KAT6A: variants seen among roughly 807,000 people sequenced by gnomAD.
KAT6A encodes lysine acetyltransferase 6A, also known as histone acetyltransferase KAT6A.
In KAT6A, 9 loss-of-function variants were observed where a neutral mutation model predicts 198.4. That is an observed-to-expected ratio of 0.05 (90% CI 0.03 to 0.08). The LOEUF is 0.08. Ranked by LOEUF, KAT6A falls within the 10% of genes least tolerant of loss-of-function variation. The pLI is 1.00. For missense variants in KAT6A, 2,077 were observed against 2,509.9 expected (o/e 0.83, Z 3.69); for synonymous variants, 890 against 883.0 (o/e 1.01, Z -0.14).
intron 2 of KAT6A, among the ~76,000 whole-genome samples, chr8:41,988,732 G>A (rs1183315812): frequency 1.3e-5 from 2 of 152,202 alleles, no homozygotes; most frequent in Non-Finnish European, 2.9e-5. Flanking sequence ...AGATGGTGAC[G>A]CTATCAACTG....
intron 2 of KAT6A, among the ~76,000 whole-genome samples, chr8:41,995,259 TA>T (rs1376610519): frequency 6.6e-6 from 1 of 152,218 alleles, no homozygotes; most frequent in Admixed American, 6.5e-5. Flanking sequence ...AGAAATGCTC[TA>T]TTGTTTACAA....
intron 7 of KAT6A, among the ~76,000 whole-genome samples, chr8:41,975,759 C>T (rs1824021198): frequency 6.6e-6 from 1 of 152,132 alleles, no homozygotes; most frequent in Admixed American, 6.5e-5. Context: ...ACGCTCACAC[C>T]ACTGTCAAAA....
At position 41,934,598 on chromosome 8, in the gene KAT6A, C is replaced by T. The variant is rs1325688150; in HGVS notation, c.3622G>A (p.Glu1208Lys). ...AGRKPKIQES[E>K]ETVEPKEDMP... Reference sequence around the variant, plus strand: ...TCTTCTTTTGGCTCAACAGTTTCTTCACTCTCCTGGATCTTGGGTTTACGT... The same window carrying T: ...TCTTCTTTTGGCTCAACAGTTTCTTTACTCTCCTGGATCTTGGGTTTACGT... Residue 1208 changes from glutamate (E) to lysine (K), a missense_variant, in exon 17 of 17, where the codon GAA (glutamate) becomes AAA (lysine). Around this residue, in one of 13 missense-constraint regions of KAT6A, gnomAD observed 375 missense variants for 383.0 expected, o/e 0.98. Transcript: ENST00000265713. 3 of 1,614,092 alleles carry T rather than the reference C, an allele frequency of 1.9e-6. No individual in the cohort carries two copies. The highest frequency in any genetic ancestry group is 2.2e-5 in the East Asian group (1 of 44,866).
chr8:41,969,144 G>A (rs914215434), intron 8 of KAT6A, among the ~76,000 whole-genome samples: 1 of 152,100 alleles, frequency 6.6e-6, no homozygotes, highest in Non-Finnish European at 1.5e-5. Context: ...TTAGTTGGAT[G>A]GATTCTAATA....
intron 8 of KAT6A, among the ~76,000 whole-genome samples, chr8:41,962,424 T>A (rs1207235636): frequency 6.6e-6 from 1 of 152,146 alleles, no homozygotes; most frequent in African/African-American, 2.4e-5. Flanking sequence ...GTCTTCCAAC[T>A]GTGTTCTGGC....
intron 2 of KAT6A, among the ~76,000 whole-genome samples, chr8:42,011,431 AT>A (rs1826011060): frequency 6.6e-6 from 1 of 152,174 alleles, no homozygotes; most frequent in Non-Finnish European, 1.5e-5. Context: ...CACAATGCTG[AT>A]CGACAGTTAA....
chr8:41,999,468 T>C (rs1017324553), intron 2 of KAT6A, among the ~76,000 whole-genome samples: 24 of 152,186 alleles, frequency 1.6e-4, no homozygotes, highest in African/African-American at 4.8e-4. Context: ...ATCTCCTCCA[T>C]AGACTGACTC....
At chr8:41,969,792 C>A (rs1380385484) in intron 8 of KAT6A, among the ~76,000 whole-genome samples, 1 of 151,738 alleles carries the variant, frequency 6.6e-6, no homozygotes, top group East Asian at 1.9e-4. Context: ...CTCTTCTGTT[C>A]ACTGTATTTG....
At chr8:42,002,164 T>A (rs1825527481) in intron 2 of KAT6A, among the ~76,000 whole-genome samples, 1 of 152,118 alleles carries the variant, frequency 6.6e-6, no homozygotes, top group Admixed American at 6.6e-5. Flanking sequence ...TCATCACCAC[T>A]TTCCAGATAG....
At position 41,933,427 on chromosome 8, in the gene KAT6A, A is replaced by C; in HGVS notation, c.4793T>G (p.Leu1598Arg). The C allele has an allele frequency of 1.2e-6, 2 of 1,612,040 alleles. No homozygotes were observed. The highest frequency in any genetic ancestry group is 1.7e-6 in the Non-Finnish European group (2 of 1,179,382). Residue 1598 changes from leucine to arginine, a missense_variant, in exon 17 of 17, where the codon CTC (leucine) becomes CGC (arginine). This residue lies in a region of KAT6A where 500 missense variants were observed against 577.2 expected (regional missense o/e 0.87). Coordinates refer to ENST00000265713, the MANE Select transcript of KAT6A (RefSeq NM_006766.5). The surrounding 1 kb of genome is among the most constrained non-coding windows in gnomAD (Gnocchi z 6.2). ...SYGGLSSSSS[L>R]TQSSCVVTQQ... is the part of the protein sequence containing the mutation. ...AGTGACCACACAGCTGCTCTGGGTG[A>C]GGCTGCTGGAGGACGACAGCCCACC...
At chr8:41,981,368 C>A (rs962928796) in intron 4 of KAT6A, among the ~76,000 whole-genome samples, 1 of 152,088 alleles carries the variant, frequency 6.6e-6, no homozygotes, top group Non-Finnish European at 1.5e-5. Context: ...TTAAAAGTTT[C>A]CTTAATTTGT....
chr8:41,934,793 A>C lies in KAT6A; in HGVS notation c.3427T>G (p.Ser1143Ala). The C allele has an allele frequency of 4.3e-6, 7 of 1,613,924 alleles. No individual in the cohort carries two copies. The highest frequency in any genetic ancestry group is 5.9e-6 in the Non-Finnish European group (7 of 1,179,990). Residue 1143 changes from serine (S) to alanine (A), a missense_variant, in exon 17 of 17, where the codon TCC becomes GCC. Ser to Ala is a moderately conservative substitution (Grantham distance 99). Transcript: ENST00000265713. Reference protein sequence around the residue: ...VKNSPLEPDTSTPLKKKKGWP... With the variant: ...VKNSPLEPDTATPLKKKKGWP... ...CCCTTTTTCTTTTTCAAAGGTGTGG[A>C]TGTATCTGGCTCAAGAGGAGAATTC...
At chr8:41,991,541 A>G (rs1232733752) in intron 2 of KAT6A, among the ~76,000 whole-genome samples, 1 of 152,224 alleles carries the variant, frequency 6.6e-6, no homozygotes, top group Admixed American at 6.5e-5. Flanking sequence ...TGGTGGTTTC[A>G]TGGATGTTAA....
chr8:42,031,811 A>G (rs947268216), intron 2 of KAT6A, among the ~76,000 whole-genome samples: 2 of 150,960 alleles, frequency 1.3e-5, no homozygotes, highest in African/African-American at 4.9e-5. Context: ...TTGTATTTTT[A>G]GTAGAGATAG....
chr8:41,934,014 A>G lies in KAT6A; in HGVS notation c.4206T>C (p.Thr1402=), dbSNP rs1429369701. The change falls in exon 17 of 17, where the codon ACT becomes ACC. Residue 1402 remains threonine, a synonymous_variant. Coordinates refer to ENST00000265713, the MANE Select transcript of KAT6A (RefSeq NM_006766.5). ...SEDDHEEDSH[T]KEELIELKEE... ...CTTTTAATTCGATTAACTCTTCCTT[A>G]GTGTGGGAGTCTTCTTCGTGGTCGT... 1 of 1,613,756 alleles carries G rather than the reference A, an allele frequency of 6.2e-7. No individual in the cohort carries two copies. Among genetic ancestry groups the G allele is most frequent in the Admixed American group, 1.7e-5 (1 of 59,976 alleles).
chr8:41,977,581 A>AT (rs1824123996), intron 6 of KAT6A: 3 of 365,972 alleles, frequency 8.2e-6, no homozygotes, highest in Non-Finnish European at 1.5e-5. Flanking sequence ...TCTAGTCATA[A>AT]TTCTCTCTTA....
chr8:42,043,890 G>A (rs1400469518), intron 2 of KAT6A, among the ~76,000 whole-genome samples: 1 of 152,068 alleles, frequency 6.6e-6, no homozygotes, highest in Admixed American at 6.5e-5. Flanking sequence ...AATAACAGTA[G>A]CTATTTCACT....
At position 42,007,684 on chromosome 8, in the gene KAT6A, C is replaced by T. The variant is rs968296504; in HGVS notation, c.601-20121G>A. 3.3e-5 allele frequency among the ~76,000 whole-genome samples: 5 copies of T among 151,960 alleles called. No homozygotes were observed. The South Asian group carries it at 8.3e-4, about 25-fold the overall frequency. On this transcript the variant is annotated intron_variant, in intron 2 of 16. Transcript: ENST00000265713. ...GTTCATTAAAATTTTTATTGTTGGC[C>T]GGGCGCAGTGGCTCAAGCCTGTAAT... is the stretch of plus-strand genomic sequence containing the variant.
rs560767148 is a variant in KAT6A at position 41,940,871 on chromosome 8, T to C, written c.3010A>G (p.Ile1004Val). ...PESPRSSSPP[I>V]LTKPTLKRKK... Reference sequence around the variant, plus strand: ...CGCTTCAGCGTGGGCTTTGTGAGAATTGGTGGCGAGCTTGACCGAGGGCTT... The same window carrying C: ...CGCTTCAGCGTGGGCTTTGTGAGAACTGGTGGCGAGCTTGACCGAGGGCTT... Residue 1004 changes from isoleucine (I) to valine (V), a missense_variant, in exon 15 of 17, where the codon ATT (isoleucine) becomes GTT (valine). By Grantham distance (29) the Ile-to-Val change is conservative. Coordinates refer to ENST00000265713, the MANE Select transcript of KAT6A (RefSeq NM_006766.5). The C allele has an allele frequency of 2.3e-4, 371 of 1,613,044 alleles. 2 individuals are homozygous for C. The South Asian group carries it at 3.6e-3, about 16-fold the overall frequency.
Sources: allele counts gnomAD v4.1 joint callset (sites outside exome capture counted in the v4.1 genomes callset), GRCh38; gene constraint gnomAD v4.1.1; regional missense constraint gnomAD v4.1.1; non-coding constraint Gnocchi (gnomAD v3.1); transcripts MANE v1.5; gene names NCBI Gene and HGNC (gene_info 2026-07-23, HGNC 2026-07-21).